SPAG16: variants seen among roughly 807,000 people sequenced by gnomAD.
SPAG16 encodes the protein sperm associated antigen 16.
In SPAG16, 86 loss-of-function variants were observed where a neutral mutation model predicts 80.4. That is an observed-to-expected ratio of 1.07 (90% CI 0.90 to 1.28). The LOEUF is 1.28. Among genes scored for constraint, SPAG16 ranks in the 50% most tolerant of loss-of-function variants. The probability of loss-of-function intolerance (pLI) is 0.00; values close to 1 mark genes in which losing one functional copy is unlikely to be tolerated. For synonymous variants in SPAG16, 294 were observed against 265.9 expected, an observed-to-expected ratio of 1.11 and a Z score of -1.03; for missense variants, 870 against 765.3, an observed-to-expected ratio of 1.14 and a Z score of -1.61.
At chr2:214,099,456 A>G (rs1040287894) in intron 13 of SPAG16, among the ~76,000 whole-genome samples, 1 of 152,112 alleles carries the variant, frequency 6.6e-6, no homozygotes, top group Non-Finnish European at 1.5e-5. Context: ...CGAATAAGAG[A>G]TAGTATCAAT....
At chr2:213,837,225 A>G (rs1575303981) in intron 10 of SPAG16, among the ~76,000 whole-genome samples, 1 of 152,350 alleles carries the variant, frequency 6.6e-6, no homozygotes, top group East Asian at 1.9e-4. Flanking sequence ...ACCATGCCAG[A>G]TAATGGTTCA....
At chr2:213,421,206 G>C (rs1460280028) in intron 9 of SPAG16, among the ~76,000 whole-genome samples, 1 of 152,248 alleles carries the variant, frequency 6.6e-6, no homozygotes. Context: ...TGTTCCCACT[G>C]TCTGGCCTTT....
At chr2:214,022,560 GT>G (rs1267198697) in intron 13 of SPAG16, among the ~76,000 whole-genome samples, 1 of 152,102 alleles carries the variant, frequency 6.6e-6, no homozygotes, top group Non-Finnish European at 1.5e-5. Context: ...TACAGCAGTT[GT>G]CATGCCATAT....
intron 4 of SPAG16, among the ~76,000 whole-genome samples, chr2:213,311,738 T>C (rs1180741754): frequency 6.6e-6 from 1 of 151,580 alleles, no homozygotes; most frequent in Non-Finnish European, 1.5e-5. Flanking sequence ...TTTATTTTGA[T>C]TAGAAAACTT....
chr2:213,517,660 A>G (rs555737735), intron 10 of SPAG16, among the ~76,000 whole-genome samples: 1 of 152,282 alleles, frequency 6.6e-6, no homozygotes, highest in East Asian at 1.9e-4. Context: ...AAATAAAGCC[A>G]CACACATCTG....
intron 11 of SPAG16, among the ~76,000 whole-genome samples, chr2:213,911,246 A>T (rs1440548064): frequency 1.3e-5 from 2 of 152,180 alleles, no homozygotes; most frequent in Non-Finnish European, 2.9e-5. Flanking sequence ...CCCGGGCTCA[A>T]GTAATCCTCC....
chr2:213,725,234 G>T (rs2066713629), intron 10 of SPAG16, among the ~76,000 whole-genome samples: 2 of 152,036 alleles, frequency 1.3e-5, no homozygotes, highest in South Asian at 4.2e-4. Flanking sequence ...ACTTTGCCCA[G>T]GCTGGTCTGG....
intron 10 of SPAG16, among the ~76,000 whole-genome samples, chr2:213,644,708 T>TTC (rs966880934): frequency 1.3e-5 from 2 of 151,860 alleles, no homozygotes; most frequent in Non-Finnish European, 2.9e-5. Flanking sequence ...CTTTCTCTCT[T>TTC]TCTCTCTCTC....
intron 4 of SPAG16, among the ~76,000 whole-genome samples, chr2:213,316,877 G>A (rs1322025972): frequency 6.6e-6 from 1 of 151,886 alleles, no homozygotes; most frequent in Non-Finnish European, 1.5e-5. Context: ...CTTTCAGACA[G>A]CTTATTTAAC....
intron 11 of SPAG16, among the ~76,000 whole-genome samples, chr2:213,901,355 T>C (rs1017621691): frequency 6.6e-6 from 1 of 152,170 alleles, no homozygotes. Context: ...TTATTTTTGC[T>C]AGTAAGGCCT....
chr2:213,741,566 G>A (rs1025595237), intron 10 of SPAG16, among the ~76,000 whole-genome samples: 1 of 152,104 alleles, frequency 6.6e-6, no homozygotes, highest in Admixed American at 6.5e-5. Flanking sequence ...TATTAATCAA[G>A]TACAGATAAA....
intron 14 of SPAG16, among the ~76,000 whole-genome samples, chr2:214,139,571 G>C (rs115257546): frequency 0.013 from 1,987 of 151,586 alleles, 29 homozygotes; most frequent in African/African-American, 0.044. Flanking sequence ...TTTAAATTTC[G>C]CTTTAAAAAA....
At chr2:213,364,211 A>G in intron 8 of SPAG16, 66 bp downstream of exon 8, 3 of 920,342 alleles carry the variant, frequency 3.3e-6, no homozygotes, top group Non-Finnish European at 4.6e-6. Flanking sequence ...CTTATCAGTG[A>G]TTAATATTCT....
chr2:214,318,705 T>C (rs1165188188), intron 15 of SPAG16, among the ~76,000 whole-genome samples: 1 of 151,962 alleles, frequency 6.6e-6, no homozygotes, highest in Non-Finnish European at 1.5e-5. Flanking sequence ...CAATCAGGCT[T>C]TATAGTGCTT....
intron 9 of SPAG16, among the ~76,000 whole-genome samples, chr2:213,406,981 C>G (rs968191550): frequency 3.3e-5 from 5 of 151,222 alleles, no homozygotes; most frequent in Non-Finnish European, 7.4e-5. Flanking sequence ...GGCCAGCAAC[C>G]TAGCTTAAAG....
chr2:213,898,507 C>CTGGGG (rs1249451371), intron 11 of SPAG16, among the ~76,000 whole-genome samples: 1 of 152,092 alleles, frequency 6.6e-6, no homozygotes, highest in Non-Finnish European at 1.5e-5. Context: ...GGAGAATCTG[C>CTGGGG]TGGGGTCATG....
In SPAG16 at chr2:213,603,542, A is replaced by G. The variant is rs115640695; in HGVS notation, c.1070+113452A>G. Among the ~76,000 whole-genome samples the G allele has an allele frequency of 8.0e-3, 1,222 of 152,350 alleles. 22 individuals are homozygous for G. Among genetic ancestry groups the G allele is most frequent in the African/African-American group, 0.028 (1,161 of 41,578 alleles). ...AAATAACAAAAATTATCTAATATTC[A>G]CTAAAAGAGATTTAAAACTTTGCTT... On this transcript the variant is annotated intron_variant, in intron 10 of 15. Transcript: ENST00000331683.
In SPAG16 at chr2:214,016,165, C is replaced by T. The variant is rs551634173; in HGVS notation, c.1527+2088C>T. ...TTTAATAAAAGTGTTTTAGTCTGTT[C>T]TCACCCTGCTGATAAAGACATACCC... On this transcript the variant is annotated intron_variant, in intron 13 of 15. Transcript: ENST00000331683. 1.8e-3 allele frequency among the ~76,000 whole-genome samples: 279 copies of T among 152,138 alleles called. 8 individuals are homozygous for T. Among genetic ancestry groups the T allele is most frequent in the Non-Finnish European group, 2.0e-3 (134 of 67,996 alleles).
At chr2:213,366,120 C>T (rs376439455) in intron 8 of SPAG16, among the ~76,000 whole-genome samples, 18 of 127,968 alleles carry the variant, frequency 1.4e-4, no homozygotes, top group South Asian at 1.2e-3. Context: ...CCAGCCTGGG[C>T]GACAGAGCGA....
Sources: gnomAD v4.1 joint callset for allele counts (sites outside exome capture counted in the v4.1 genomes callset) on GRCh38, gnomAD v4.1.1 for gene constraint, MANE v1.5 for transcripts, NCBI Gene and HGNC (gene_info 2026-07-23, HGNC 2026-07-21) for gene names.